Variants in MCC observed in about 807,000 individuals in gnomAD.
MCC encodes MCC regulator of Wnt signaling pathway, also known as colorectal mutant cancer protein.
MCC carries 90 observed loss-of-function variants against 116.2 expected under a neutral mutation model. The ratio of observed to expected loss-of-function variants is 0.77; its 90% CI spans 0.65 to 0.92. The LOEUF (loss-of-function observed/expected upper bound fraction) is 0.92, where lower values mean the gene tolerates loss of function less well. Ranked by LOEUF, MCC falls within the 40% of genes least tolerant of loss-of-function variation. The pLI is 0.00. For missense variants in MCC, 1,516 were observed against 1,312.2 expected (o/e 1.16, Z -2.40); for synonymous variants, 578 against 510.5 (o/e 1.13, Z -1.78).
At chr5:113,077,531 C>T (rs1754541838) in intron 11 of MCC, among the ~76,000 whole-genome samples, 1 of 152,184 alleles carries the variant, frequency 6.6e-6, no homozygotes, top group Non-Finnish European at 1.5e-5. Context: ...TACATGGAAA[C>T]TGAACAACCT....
Position 113,053,849 on chromosome 5 carries a change from A to T in MCC, c.2324T>A (p.Leu775Gln), listed in dbSNP as rs1752643122. The stretch of plus-strand genomic sequence containing the variant: ...GATGCTTTCCAGCTCCAGCATGGTC[A>T]GCTTGACCGCAGCCCTGTCATTCTT... ...QLKNDRAAVKLTMLELESIHI... is the reference protein window; with the variant it reads ...QLKNDRAAVKQTMLELESIHI... Residue 775 changes from leucine (L) to glutamine (Q), a missense_variant, in exon 15 of 19, where the codon CTG (leucine) becomes CAG (glutamine). Coordinates refer to ENST00000408903, the MANE Select transcript of MCC (RefSeq NM_001085377.2). 1 of 1,614,156 alleles carries T rather than the reference A, an allele frequency of 6.2e-7. No homozygotes were observed. Among genetic ancestry groups the T allele is most frequent in the Middle Eastern group, 1.6e-4 (1 of 6,062 alleles).
At chr5:113,309,647 TATTCCATATCTTC>T (rs1398535850) in intron 3 of MCC, among the ~76,000 whole-genome samples, 1 of 152,252 alleles carries the variant, frequency 6.6e-6, no homozygotes, top group African/African-American at 2.4e-5. Context: ...CACTTAGGTT[TATTCCATATCTTC>T]ATGATTGTGA....
chr5:113,463,538 T>C (rs1278919240), intron 1 of MCC, among the ~76,000 whole-genome samples: 3 of 152,212 alleles, frequency 2.0e-5, no homozygotes, highest in Non-Finnish European at 4.4e-5. Context: ...TTTCCAAGTT[T>C]GTTCTGGCTT....
At chr5:113,161,474 G>A (rs973579434) in intron 3 of MCC, among the ~76,000 whole-genome samples, 1 of 152,194 alleles carries the variant, frequency 6.6e-6, no homozygotes, top group African/African-American at 2.4e-5. Context: ...AGTACCTTTA[G>A]TGGTGAAACA....
intron 2 of MCC, among the ~76,000 whole-genome samples, chr5:113,360,075 A>C (rs1174072195): frequency 6.6e-6 from 1 of 152,192 alleles, no homozygotes; most frequent in Non-Finnish European, 1.5e-5. Context: ...GCTCCCTGCC[A>C]TGAAAAGCAT....
At position 113,114,569 on chromosome 5, in the gene MCC, A is replaced by C. The variant is rs142555945; in HGVS notation, c.1027+8115T>G. On this transcript the variant is annotated intron_variant, in intron 6 of 18. Transcript: ENST00000408903. ...AATGCTGCCTTTTCAAAAATCACCC[A>C]TGGCCTACCCCGCCCCCCATCCTAT... is the stretch of plus-strand genomic sequence containing the variant. Among the ~76,000 whole-genome samples the C allele has an allele frequency of 3.0e-3, 454 of 152,236 alleles. 10 individuals carry two copies. The highest frequency in any genetic ancestry group is 0.023 in the Admixed American group (354 of 15,294).
intron 3 of MCC, among the ~76,000 whole-genome samples, chr5:113,199,028 C>T (rs1762560050): frequency 6.6e-6 from 1 of 152,046 alleles, no homozygotes; most frequent in African/African-American, 2.4e-5. Flanking sequence ...ATTAGCCAGG[C>T]ATGGTGGTGT....
chr5:113,116,604 T>C (rs1757410275), intron 6 of MCC, among the ~76,000 whole-genome samples: 1 of 152,178 alleles, frequency 6.6e-6, no homozygotes, highest in South Asian at 2.1e-4. Flanking sequence ...TCCATTTCCA[T>C]CTTATACCCC....
At chr5:113,093,066 T>C (rs10477487) in intron 8 of MCC, among the ~76,000 whole-genome samples, 16,421 of 152,064 alleles carry the variant, frequency 0.11, 2,150 homozygotes, top group African/African-American at 0.32. Context: ...ATCAGAGTGC[T>C]GAGGAGAAAA....
intron 3 of MCC, among the ~76,000 whole-genome samples, chr5:113,210,036 G>A (rs189413790): frequency 7.4e-4 from 112 of 152,270 alleles, no homozygotes; most frequent in Non-Finnish European, 1.2e-3. Flanking sequence ...ATGTTTGAGC[G>A]TTGTTGTTCT....
At chr5:113,352,967 T>G (rs1264446298) in intron 2 of MCC, among the ~76,000 whole-genome samples, 1 of 152,156 alleles carries the variant, frequency 6.6e-6, no homozygotes, top group African/African-American at 2.4e-5. Context: ...GTTAGGTCAA[T>G]GGTCTCATGA....
intron 4 of MCC, among the ~76,000 whole-genome samples, chr5:113,144,116 C>T (rs1221185948): frequency 6.6e-6 from 1 of 152,140 alleles, no homozygotes; most frequent in Non-Finnish European, 1.5e-5. Flanking sequence ...ATATCATCGT[C>T]ATGAAAACTG....
chr5:113,208,042 C>G (rs1237615264), intron 3 of MCC, among the ~76,000 whole-genome samples: 1 of 152,036 alleles, frequency 6.6e-6, no homozygotes, highest in Non-Finnish European at 1.5e-5. Context: ...AGATAATAAT[C>G]CCATACTTTC....
At chr5:113,394,016 T>C (rs898806584) in intron 1 of MCC, among the ~76,000 whole-genome samples, 1 of 152,216 alleles carries the variant, frequency 6.6e-6, no homozygotes, top group African/African-American at 2.4e-5. Context: ...AATTTCTATC[T>C]TCAATTAAGT....
chr5:113,204,792 T>C (rs76444169), intron 3 of MCC, among the ~76,000 whole-genome samples: 2,002 of 152,366 alleles, frequency 0.013, 49 homozygotes, highest in African/African-American at 0.046. Context: ...CTTTTGCCAT[T>C]TGTCAGATAG....
chr5:113,383,571 A>T (rs1769176579), intron 2 of MCC, among the ~76,000 whole-genome samples: 1 of 152,154 alleles, frequency 6.6e-6, no homozygotes, highest in South Asian at 2.1e-4. Flanking sequence ...TAAGTATATC[A>T]AACGTAGGCA....
At chr5:113,045,017 C>G (rs1020567984) in intron 16 of MCC, among the ~76,000 whole-genome samples, 1 of 152,232 alleles carries the variant, frequency 6.6e-6, no homozygotes, top group Admixed American at 6.5e-5. Context: ...TGCCCTCCAC[C>G]TGGGCCGCCT....
chr5:113,247,596 A>G (rs1463444024), intron 3 of MCC, among the ~76,000 whole-genome samples: 2 of 152,214 alleles, frequency 1.3e-5, no homozygotes, highest in Admixed American at 6.5e-5. Context: ...GAAATACAGT[A>G]CAAGGTGGAC....
At chr5:113,267,536 G>A (rs544492844) in intron 3 of MCC, among the ~76,000 whole-genome samples, 1 of 152,248 alleles carries the variant, frequency 6.6e-6, no homozygotes, top group East Asian at 1.9e-4. Flanking sequence ...AGCTTATTCT[G>A]TCAGGGGCAA....
Sources: allele counts gnomAD v4.1 joint callset (sites outside exome capture counted in the v4.1 genomes callset), GRCh38; gene constraint gnomAD v4.1.1; transcripts MANE v1.5; gene names NCBI Gene and HGNC (gene_info 2026-07-23, HGNC 2026-07-21).